SEC24D: variants seen among roughly 807,000 people sequenced by gnomAD.
SEC24D encodes protein transport protein Sec24D.
Under a neutral mutation model 116.9 loss-of-function variants are expected in SEC24D, and 69 were observed. That is an observed-to-expected ratio of 0.59 (90% confidence interval 0.49 to 0.72). The LOEUF is 0.72. SEC24D is among the 30% of genes least tolerant of loss of function. The probability of loss-of-function intolerance (pLI) is 0.00; values close to 1 mark genes in which losing one functional copy is unlikely to be tolerated. For missense variants in SEC24D, 1,131 were observed against 1,264.1 expected, an observed-to-expected ratio of 0.89 and a Z score of 1.60; for synonymous variants, 405 against 442.8, an observed-to-expected ratio of 0.91 and a Z score of 1.07.
intron 2 of SEC24D, among the ~76,000 whole-genome samples, chr4:118,826,307 A>G (rs1730590047): frequency 6.6e-6 from 1 of 152,192 alleles, no homozygotes; most frequent in African/African-American, 2.4e-5. Flanking sequence ...CAGAGCTTCA[A>G]CTTGTAATCC....
intron 2 of SEC24D, among the ~76,000 whole-genome samples, chr4:118,832,074 G>T (rs1316899201): frequency 2.0e-5 from 3 of 152,008 alleles, no homozygotes; most frequent in Non-Finnish European, 2.9e-5. Flanking sequence ...ATGGTGGCGG[G>T]CGCCTGTAAT....
At chr4:118,765,788 CA>C (rs755641499) in intron 9 of SEC24D, among the ~76,000 whole-genome samples, 11 of 151,870 alleles carry the variant, frequency 7.2e-5, no homozygotes, top group Non-Finnish European at 1.5e-4. Flanking sequence ...GTGAAACTGA[CA>C]TAAGAATAAC....
intron 8 of SEC24D, among the ~76,000 whole-genome samples, chr4:118,771,926 G>A (rs1727921861): frequency 6.6e-6 from 1 of 152,012 alleles, no homozygotes. Context: ...AAAAAAACAG[G>A]GTATGAGGAG....
chr4:118,736,576 GA>G, intron 19 of SEC24D: 1 of 330,708 alleles, frequency 3.0e-6, no homozygotes, highest in Non-Finnish European at 5.9e-6. Flanking sequence ...TGAACTGTAG[GA>G]AAGTACCAAG....
At chr4:118,819,737 T>C (rs1730313833) in intron 3 of SEC24D, among the ~76,000 whole-genome samples, 1 of 152,168 alleles carries the variant, frequency 6.6e-6, no homozygotes, top group Admixed American at 6.5e-5. Context: ...GTTTCATAAA[T>C]GCTAGTACTT....
intron 7 of SEC24D, among the ~76,000 whole-genome samples, chr4:118,800,353 G>GC (rs1729380321): frequency 6.6e-6 from 1 of 152,128 alleles, no homozygotes; most frequent in Admixed American, 6.5e-5. Flanking sequence ...CCTCTCTCTG[G>GC]CCATGTTTTG....
At chr4:118,827,561 T>C (rs1034604702) in intron 2 of SEC24D, among the ~76,000 whole-genome samples, 21 of 152,198 alleles carry the variant, frequency 1.4e-4, no homozygotes, top group Admixed American at 3.3e-4. Context: ...TATAAGGTCT[T>C]GAGGTGGAAA....
intron 3 of SEC24D, among the ~76,000 whole-genome samples, chr4:118,822,408 C>T (rs1222191052): frequency 6.6e-6 from 1 of 152,156 alleles, no homozygotes; most frequent in Non-Finnish European, 1.5e-5. Flanking sequence ...TTACTCACTC[C>T]TAAGCAACCT....
At chr4:118,810,551 T>C (rs1372536201) in intron 6 of SEC24D, among the ~76,000 whole-genome samples, 1 of 152,168 alleles carries the variant, frequency 6.6e-6, no homozygotes, top group Non-Finnish European at 1.5e-5. Context: ...CGAAAATAGA[T>C]GGAATTACCT....
rs759453653 is a variant in SEC24D, at chr4:118,752,712, T to G, written c.1598A>C (p.Gln533Pro). The change falls in exon 12 of 23, where the codon CAA becomes CCA. Residue 533 changes from glutamine to proline, a missense_variant. Gln to Pro is a moderately conservative substitution (Grantham distance 76). Transcript: ENST00000280551. ...DGFLVNYQES[Q>P]SVIHNLLDQI... ...TGATATTTACTTATGAATCACAGAT[T>G]GGGATTCTTGATAGTTGACAAGGAA... 1.9e-6 allele frequency: 3 copies of G among 1,601,760 alleles called. No homozygotes were observed. The African/African-American group carries it at 4.0e-5, about 22-fold the overall frequency.
At chr4:118,791,497 T>C (rs1354613331) in intron 8 of SEC24D, among the ~76,000 whole-genome samples, 2 of 152,126 alleles carry the variant, frequency 1.3e-5, no homozygotes, top group African/African-American at 4.8e-5. Flanking sequence ...ATAAATATTT[T>C]TAAAATTTAT....
intron 14 of SEC24D, among the ~76,000 whole-genome samples, chr4:118,744,432 C>A (rs552107542): frequency 6.6e-6 from 1 of 152,310 alleles, no homozygotes; most frequent in African/African-American, 2.4e-5. Context: ...GCTGATACTG[C>A]AGCCCTTACT....
At chr4:118,740,547 AAG>A in intron 17 of SEC24D, 114 bp downstream of exon 17, 7 of 1,172,078 alleles carry the variant, frequency 6.0e-6, no homozygotes, top group East Asian at 4.8e-5. Flanking sequence ...ACTTTGGAGA[AAG>A]AGTTGAATTT....
Position 118,757,720 on chromosome 4 carries a change from CT to C in SEC24D, c.1421del (p.Lys474ArgfsTer26), listed in dbSNP as rs1448445874. The C allele has an allele frequency of 6.2e-7, 1 of 1,604,904 alleles. No homozygotes were observed. The highest frequency in any genetic ancestry group is 8.5e-7 in the Non-Finnish European group (1 of 1,177,100). On this transcript the variant is annotated frameshift_variant and splice_region_variant, in exon 11 of 23. Coordinates refer to ENST00000280551, the MANE Select transcript of SEC24D (RefSeq NM_014822.4). LOFTEE classifies it high-confidence loss of function. ...TGTAAAAAGAATGACGGTTGCCTTA[CT>C]TTGGAATTTTTTCCAGCATGGTCTT... ...ELKTMLEKIP[K>X]EEQEETSAIR...
intron 8 of SEC24D, among the ~76,000 whole-genome samples, chr4:118,771,880 A>C (rs1324627728): frequency 6.6e-6 from 1 of 152,204 alleles, no homozygotes; most frequent in Non-Finnish European, 1.5e-5. Context: ...GCGGGGTAGA[A>C]AGACAGTAAA....
At position 118,749,023 on chromosome 4, in the gene SEC24D, C is replaced by CT. The variant is rs930906769; in HGVS notation, c.1707+2972dup. 1.8e-3 allele frequency among the ~76,000 whole-genome samples: 255 copies of CT among 144,310 alleles called. 1 individual carries two copies. Among genetic ancestry groups the CT allele is most frequent in the African/African-American group, 3.9e-3 (154 of 39,568 alleles). The allele number at this position is 144,310 out of a possible 152,430, so 94.7% of individuals were successfully genotyped here. ...CATTTTCTTCCAATTTTTTTTTCTT[C>CT]TTTTTTTTTTTGCCAAATCTTACCC... On this transcript the variant is annotated intron_variant, in intron 13 of 22. Transcript: ENST00000280551.
intron 11 of SEC24D, among the ~76,000 whole-genome samples, chr4:118,755,291 C>T (rs1232455124): frequency 2.0e-5 from 3 of 151,842 alleles, no homozygotes; most frequent in Non-Finnish European, 2.9e-5. Context: ...AAGACTAATA[C>T]ATTGATGTTC....
intron 7 of SEC24D, among the ~76,000 whole-genome samples, chr4:118,798,620 A>G (rs1729284397): frequency 6.6e-6 from 1 of 152,234 alleles, no homozygotes; most frequent in Non-Finnish European, 1.5e-5. Context: ...CTTGCAGAGG[A>G]CACAGACAAT....
rs35951660 is a variant in SEC24D, at chr4:118,745,062, T to TAA, written c.1708-4_1708-3dup. On this transcript the variant is annotated splice_region_variant and splice_polypyrimidine_tract_variant and intron_variant, in intron 13 of 22. Coordinates refer to ENST00000280551, the MANE Select transcript of SEC24D (RefSeq NM_014822.4). The stretch of plus-strand genomic sequence containing the variant: ...CAGCTTCCCAGGACAGTCTGCTGCC[T>TAA]AAAAAAAAAAAAAAACCCAAAAACC... 8,629 of 1,212,318 alleles carry TAA rather than the reference T, an allele frequency of 7.1e-3. No homozygotes were observed. The highest frequency in any genetic ancestry group is 0.012 in the South Asian group (835 of 69,818). The allele number at this position is 1,212,318 out of a possible 1,614,324, so 75.1% of individuals were successfully genotyped here.
Sources: gnomAD v4.1 joint callset for allele counts (sites outside exome capture counted in the v4.1 genomes callset) on GRCh38, gnomAD v4.1.1 for gene constraint, MANE v1.5 for transcripts, NCBI Gene and HGNC (gene_info 2026-07-23, HGNC 2026-07-21) for gene names.